Variants in LCP1 observed in about 807,000 individuals in gnomAD.
The protein encoded by LCP1 is plastin-2.
Under a neutral mutation model 72.0 loss-of-function variants are expected in LCP1, and 23 were observed. That is an observed-to-expected ratio of 0.32 (90% CI 0.23 to 0.45). The LOEUF (loss-of-function observed/expected upper bound fraction) is 0.45. LCP1 is among the 20% of genes least tolerant of loss of function. The pLI is 1.00. For synonymous variants in LCP1, 245 were observed against 275.4 expected (o/e 0.89, Z 1.09); for missense variants, 571 against 748.3 (o/e 0.76, Z 2.76).
At chr13:46,172,614 G>A (rs998998381) in intron 1 of LCP1, among the ~76,000 whole-genome samples, 2 of 152,232 alleles carry the variant, frequency 1.3e-5, no homozygotes, top group African/African-American at 4.8e-5. Flanking sequence ...GAGACCTCCA[G>A]GATGAGAGGT....
At chr13:46,137,784 T>C (rs971088314) in intron 13 of LCP1, among the ~76,000 whole-genome samples, 2 of 152,222 alleles carry the variant, frequency 1.3e-5, no homozygotes, top group African/African-American at 4.8e-5. Flanking sequence ...AAAAGCTCTT[T>C]GTCAAAATGA....
chr13:46,156,801 C>G (rs1030045602), intron 4 of LCP1, among the ~76,000 whole-genome samples: 10 of 151,696 alleles, frequency 6.6e-5, no homozygotes, highest in African/African-American at 2.2e-4. Context: ...GATTTAAAAA[C>G]TATCTCTCTG....
intron 1 of LCP1, among the ~76,000 whole-genome samples, chr13:46,179,062 C>A (rs1300543927): frequency 6.6e-6 from 1 of 152,098 alleles, no homozygotes; most frequent in Non-Finnish European, 1.5e-5. Flanking sequence ...CAAAGAGGCC[C>A]ATTATTGGGT....
intron 1 of LCP1, among the ~76,000 whole-genome samples, chr13:46,161,020 G>A (rs1429962885): frequency 6.6e-6 from 1 of 152,020 alleles, no homozygotes; most frequent in African/African-American, 2.4e-5. Context: ...AAAACCTGTA[G>A]GCCAAAAATG....
At chr13:46,167,198 T>C (rs926017005) in intron 1 of LCP1, among the ~76,000 whole-genome samples, 5 of 152,148 alleles carry the variant, frequency 3.3e-5, no homozygotes, top group African/African-American at 1.2e-4. Context: ...GACACTATTA[T>C]CTCAGGCCAC....
chr13:46,147,508 C>A (rs1315709740), intron 9 of LCP1, among the ~76,000 whole-genome samples: 1 of 152,114 alleles, frequency 6.6e-6, no homozygotes, highest in East Asian at 1.9e-4. Context: ...AATTTATATT[C>A]CCATAACCAG....
At chr13:46,151,578 T>G (rs1017502677) in intron 7 of LCP1, among the ~76,000 whole-genome samples, 17 of 152,166 alleles carry the variant, frequency 1.1e-4, no homozygotes, top group African/African-American at 4.1e-4. Flanking sequence ...CCCAGATGAG[T>G]AAGTATTTTT....
chr13:46,164,420 T>G (rs1293667184), intron 1 of LCP1, among the ~76,000 whole-genome samples: 1 of 152,192 alleles, frequency 6.6e-6, no homozygotes, highest in African/African-American at 2.4e-5. Flanking sequence ...TCATATTATT[T>G]TTAAACCACA....
At chr13:46,140,932 T>A (rs2045693676) in intron 13 of LCP1, among the ~76,000 whole-genome samples, 1 of 152,168 alleles carries the variant, frequency 6.6e-6, no homozygotes. Context: ...AATAAATCAC[T>A]AAAGCATCGG....
intron 14 of LCP1, among the ~76,000 whole-genome samples, chr13:46,132,252 C>T (rs909364042): frequency 2.0e-5 from 3 of 152,070 alleles, no homozygotes; most frequent in Non-Finnish European, 4.4e-5. Context: ...ATAAGAACAC[C>T]CCAGAAGCCA....
In LCP1 at chr13:46,131,049, G is replaced by A. The variant is rs35506111; in HGVS notation, c.1627-111C>T. 3 of 1,112,188 alleles carry A rather than the reference G, an allele frequency of 2.7e-6. No individual in the cohort carries two copies. In the East Asian group the frequency reaches 8.4e-5, roughly 31 times the overall value. 68.9% of individuals were successfully genotyped at this position (1,112,188 alleles called of 1,614,324 possible). On this transcript the variant is annotated intron_variant, in intron 14 of 15. Transcript: ENST00000323076. ...CTAAATATATAATATATACAGCCTG[G>A]TCTGGGAAATGCAGCAGTATTCCAC...
chr13:46,141,387 C>T (rs571856853), intron 13 of LCP1, among the ~76,000 whole-genome samples: 1 of 104,960 alleles, frequency 9.5e-6, no homozygotes, highest in African/African-American at 3.9e-5. Context: ...GTCTGGGCGA[C>T]AGAGCAAGAC....
chr13:46,163,751 T>A (rs2045860955), intron 1 of LCP1, among the ~76,000 whole-genome samples: 1 of 152,242 alleles, frequency 6.6e-6, no homozygotes, highest in African/African-American at 2.4e-5. Context: ...AGAAAGCTTT[T>A]GCTTTCCTGT....
intron 1 of LCP1, among the ~76,000 whole-genome samples, chr13:46,179,284 A>G (rs937519623): frequency 2.6e-5 from 4 of 152,252 alleles, no homozygotes; most frequent in African/African-American, 7.2e-5. Flanking sequence ...TTATTGTTGC[A>G]TCTTCATTCA....
chr13:46,145,156 A>G (rs17523219), intron 10 of LCP1, among the ~76,000 whole-genome samples: 21,908 of 152,168 alleles, frequency 0.14, 2,060 homozygotes, highest in Non-Finnish European at 0.2. Context: ...AGAATTGGGG[A>G]TCTTTGGATA....
chr13:46,161,174 C>A (rs1407305421), intron 1 of LCP1, among the ~76,000 whole-genome samples: 1 of 151,854 alleles, frequency 6.6e-6, no homozygotes, highest in Non-Finnish European at 1.5e-5. Context: ...TACATGTAAG[C>A]AAACAAATAA....
At chr13:46,138,421 TTCTG>T (rs199846285) in intron 13 of LCP1, among the ~76,000 whole-genome samples, 1,614 of 152,344 alleles carry the variant, frequency 0.011, 21 homozygotes, top group African/African-American at 0.037. Flanking sequence ...TAATATATTT[TTCTG>T]TCTACTTTCT....
At chr13:46,167,220 T>C (rs765843233) in intron 1 of LCP1, among the ~76,000 whole-genome samples, 1 of 152,140 alleles carries the variant, frequency 6.6e-6, no homozygotes, top group South Asian at 2.1e-4. Flanking sequence ...TAAACACTTA[T>C]GGGAAGCTAG....
chr13:46,141,405 CA>C lies in LCP1; in HGVS notation c.1502+886del, dbSNP rs762462829. Among the ~76,000 whole-genome samples the C allele has an allele frequency of 3.3e-3, 172 of 52,316 alleles. 1 individual carries two copies. The highest frequency in any genetic ancestry group is 0.018 in the South Asian group (17 of 966). The allele number at this position is 52,316 out of a possible 152,430, so 34.3% of individuals were successfully genotyped here. ...TGGGCGACAGAGCAAGACTCTGTCT[CA>C]AAAAAAAAAAAAAAAAAAAAGAAAC... On this transcript the variant is annotated intron_variant, in intron 13 of 15. Transcript: ENST00000323076.
Sources: gnomAD v4.1 joint callset for allele counts (sites outside exome capture counted in the v4.1 genomes callset) on GRCh38, gnomAD v4.1.1 for gene constraint, MANE v1.5 for transcripts, NCBI Gene and HGNC (gene_info 2026-07-23, HGNC 2026-07-21) for gene names.